DDX1: variants seen among roughly 807,000 people sequenced by gnomAD.
DDX1 encodes DEAD-box helicase 1.
In DDX1, 28 loss-of-function variants were observed where a neutral mutation model predicts 108.7. The ratio of observed to expected loss-of-function variants is 0.26; its 90% CI spans 0.19 to 0.35. The LOEUF (loss-of-function observed/expected upper bound fraction) is 0.35. Ranked by LOEUF, DDX1 falls within the 10% of genes least tolerant of loss-of-function variation. DDX1 has a pLI of 1.00. For missense variants in DDX1, 710 were observed against 884.5 expected (o/e 0.80, Z 2.50); for synonymous variants, 295 against 288.9 (o/e 1.02, Z -0.21).
chr2:15,592,223 C>T (rs2148735049), intron 1 of DDX1, among the ~76,000 whole-genome samples: 2 of 152,358 alleles, frequency 1.3e-5, no homozygotes, highest in East Asian at 3.9e-4. Context: ...GCCAGTGCAC[C>T]TTCGGCTGCA....
At chr2:15,615,616 A>G (rs757084842) in intron 14 of DDX1, among the ~76,000 whole-genome samples, 20 of 152,232 alleles carry the variant, frequency 1.3e-4, no homozygotes, top group Non-Finnish European at 2.1e-4. Flanking sequence ...TCATGGGATA[A>G]TAAGTGCCTC....
At chr2:15,602,407 C>T (rs1389310330) in intron 6 of DDX1, 141 bp from the exon 7 acceptor site, 1 of 619,298 alleles carries the variant, frequency 1.6e-6, no homozygotes, top group East Asian at 2.9e-5. Context: ...CAGTAAGTCT[C>T]AGTCTCTGGA....
At chr2:15,629,191 T>G (rs1666150329) in intron 23 of DDX1, among the ~76,000 whole-genome samples, 1 of 152,196 alleles carries the variant, frequency 6.6e-6, no homozygotes. Flanking sequence ...CATAAAGAGC[T>G]CCCATATACT....
intron 24 of DDX1, 37 bp from the exon 25 acceptor site, chr2:15,629,953 G>A: frequency 6.5e-7 from 1 of 1,546,700 alleles, no homozygotes; most frequent in Non-Finnish European, 8.7e-7. Flanking sequence ...CTTTCTAAAT[G>A]AAATTTTTAT....
chr2:15,609,158 C>A (rs781713628), intron 13 of DDX1, among the ~76,000 whole-genome samples: 30 of 152,094 alleles, frequency 2.0e-4, no homozygotes, highest in Non-Finnish European at 3.4e-4. Flanking sequence ...AACTCAGGGA[C>A]GTCTTTATAA....
At chr2:15,612,493 G>T (rs1185123394) in intron 13 of DDX1, among the ~76,000 whole-genome samples, 20 of 151,746 alleles carry the variant, frequency 1.3e-4, no homozygotes, top group Admixed American at 1.0e-3. Flanking sequence ...TGGGATGGCG[G>T]CCGGGCAGAG....
Position 15,628,817 on chromosome 2 carries a change from T to C in DDX1, c.1853T>C (p.Leu618Pro). The stretch of plus-strand genomic sequence containing the variant: ...TTCAGGATGGGTCTGGCAATTTCCC[T>C]GGTGGCAACAGAAAAAGAAAAGGTA... ...RAERMGLAIS[L>P]VATEKEKVWY... Residue 618 changes from leucine to proline, a missense_variant, in exon 23 of 26, where the codon CTG becomes CCG. Around this residue, in one of 3 missense-constraint regions of DDX1, gnomAD observed 661 missense variants for 810.2 expected, o/e 0.82. Transcript: ENST00000233084. The C allele has an allele frequency of 6.2e-7, 1 of 1,613,776 alleles. No homozygotes were observed. The highest frequency in any genetic ancestry group is 8.5e-7 in the Non-Finnish European group (1 of 1,179,724).
chr2:15,629,823 T>C, intron 24 of DDX1, 126 bp downstream of exon 24: 2 of 1,005,732 alleles, frequency 2.0e-6, no homozygotes, highest in Non-Finnish European at 2.9e-6. Flanking sequence ...TAGTTGGTTA[T>C]AATGTTATCT....
intron 13 of DDX1, among the ~76,000 whole-genome samples, chr2:15,612,544 C>T (rs1324922403): frequency 1.3e-5 from 2 of 151,106 alleles, no homozygotes; most frequent in Non-Finnish European, 2.9e-5. Flanking sequence ...GGCAGAGGGG[C>T]TCCTCACGTC....
chr2:15,611,796 C>CG lies in DDX1; in HGVS notation c.957-1428_957-1427insG, dbSNP rs1490155327. ...GCTGGCCGGGCGGGGGGCTGACCCCCCCACCTCCCTCCCGGACGGGGCGGC... is the reference window on the plus strand; with the variant it reads ...GCTGGCCGGGCGGGGGGCTGACCCCCGCCACCTCCCTCCCGGACGGGGCGGC... On this transcript the variant is annotated intron_variant, in intron 13 of 25. Transcript: ENST00000233084. 4.1e-5 allele frequency among the ~76,000 whole-genome samples: 4 copies of CG among 98,238 alleles called. No homozygotes were observed. The East Asian group carries it at 1.1e-3, about 28-fold the overall frequency. 64.4% of individuals were successfully genotyped at this position (98,238 alleles called of 152,430 possible). A position where few individuals can be genotyped will look rare whatever the true frequency, so the allele number is the denominator to read the frequency against.
chr2:15,606,004 T>G lies in DDX1; in HGVS notation c.680T>G (p.Leu227Arg), dbSNP rs781409965. 6.3e-7 allele frequency: 1 copy of G among 1,589,408 alleles called. No homozygotes were observed. The highest frequency in any genetic ancestry group is 8.5e-7 in the Non-Finnish European group (1 of 1,171,688). ...EIPPHMKNQA[L>R]FPACVLKNAE... Reference sequence around the variant, plus strand: ...CCACCACATATGAAAAACCAAGCCCTCTTTCCTGCCTGTGTTTTGAAGGTA... The same window carrying G: ...CCACCACATATGAAAAACCAAGCCCGCTTTCCTGCCTGTGTTTTGAAGGTA... Residue 227 changes from leucine (L) to arginine (R), a missense_variant, in exon 11 of 26, where the codon CTC (leucine) becomes CGC (arginine). By Grantham distance (102) the Leu-to-Arg change is moderately radical. Coordinates refer to ENST00000233084, the MANE Select transcript of DDX1 (RefSeq NM_004939.3).
Position 15,591,949 on chromosome 2 carries a change from G to A in DDX1, c.16G>A (p.Glu6Lys). 1 of 1,432,436 alleles carries A rather than the reference G, an allele frequency of 7.0e-7. No individual in the cohort carries two copies. The highest frequency in any genetic ancestry group is 9.2e-7 in the Non-Finnish European group (1 of 1,091,794). The allele number at this position is 1,432,436 out of a possible 1,614,324, so 88.7% of individuals were successfully genotyped here. A position where few individuals can be genotyped will look rare whatever the true frequency, so the allele number is the denominator to read the frequency against. Reference sequence around the variant, plus strand: ...CGGGGTGAAGATGGCGGCCTTCTCCGGTGCGTTTGTGGAAACTCTGGGGGT... The same window carrying A: ...CGGGGTGAAGATGGCGGCCTTCTCCAGTGCGTTTGTGGAAACTCTGGGGGT... Reference protein sequence around the residue: MAAFSEMGVMPEIAQA... With the variant: MAAFSKMGVMPEIAQA... Residue 6 changes from glutamate (E) to lysine (K), a missense_variant and splice_region_variant, in exon 1 of 26, where the codon GAG (glutamate) becomes AAG (lysine). Glu to Lys is a moderately conservative substitution (Grantham distance 56). Transcript: ENST00000233084.
At chr2:15,600,434 G>A (rs1365548953) in intron 6 of DDX1, among the ~76,000 whole-genome samples, 4 of 152,192 alleles carry the variant, frequency 2.6e-5, no homozygotes, top group African/African-American at 9.6e-5. Flanking sequence ...GGAAGCTTAT[G>A]ATACTGATCT....
chr2:15,617,342 T>A lies in DDX1; in HGVS notation c.1116T>A (p.Ala372=). 1 of 1,562,258 alleles carries A rather than the reference T, an allele frequency of 6.4e-7. No homozygotes were observed. The highest frequency in any genetic ancestry group is 8.7e-7 in the Non-Finnish European group (1 of 1,146,174). Residue 372 remains alanine, a splice_region_variant and synonymous_variant, in exon 15 of 26, where the codon GCT becomes GCA. Coordinates refer to ENST00000233084, the MANE Select transcript of DDX1 (RefSeq NM_004939.3). ...SQVRFLVLDE[A]DGLLSQGYSD... ...TTAGATTCCTGGTCCTGGATGAAGC[T>A]GTATGTTGAAATATAATCATACTTT...
intron 5 of DDX1, 70 bp from the exon 6 acceptor site, chr2:15,599,599 C>T: frequency 2.4e-6 from 3 of 1,232,730 alleles, no homozygotes; most frequent in South Asian, 2.7e-5. Context: ...AGTCGTGAGT[C>T]ACCGCACCCG....
intron 14 of DDX1, 39 bp from the exon 15 acceptor site, chr2:15,617,205 C>A (rs778648277): frequency 9.3e-7 from 1 of 1,076,532 alleles, no homozygotes; most frequent in South Asian, 1.6e-5. Flanking sequence ...TATACTGTTT[C>A]TTTAGTTTTC....
chr2:15,608,259 T>C (rs924281680), intron 13 of DDX1, among the ~76,000 whole-genome samples: 3 of 152,090 alleles, frequency 2.0e-5, no homozygotes, highest in African/African-American at 7.3e-5. Context: ...CCAGGTGTGG[T>C]GACTCACGCC....
intron 17 of DDX1, among the ~76,000 whole-genome samples, chr2:15,620,700 C>G (rs1665989797): frequency 6.6e-6 from 1 of 151,962 alleles, no homozygotes; most frequent in Admixed American, 6.6e-5. Context: ...TAGTAGGAGC[C>G]CTCATCTGTG....
At chr2:15,597,590 A>T in intron 5 of DDX1, 119 bp downstream of exon 5, 1 of 668,900 alleles carries the variant, frequency 1.5e-6, no homozygotes, top group South Asian at 2.0e-5. Flanking sequence ...GGGGGGTGGT[A>T]TTGGGATCTG....
Sources: allele counts gnomAD v4.1 joint callset (sites outside exome capture counted in the v4.1 genomes callset), GRCh38; gene constraint gnomAD v4.1.1; regional missense constraint gnomAD v4.1.1; transcripts MANE v1.5; gene names NCBI Gene and HGNC (gene_info 2026-07-23, HGNC 2026-07-21).